The following WWOX variants were observed in gnomAD, a reference collection of about 807,000 sequenced individuals.
WWOX encodes the protein WW domain-containing oxidoreductase.
A neutral mutation model predicts 46.2 loss-of-function variants in WWOX; 69 were observed. The ratio of observed to expected loss-of-function variants is 1.49; its 90% CI spans 1.23 to 1.82. WWOX has a LOEUF of 1.82. Ranked by LOEUF, WWOX falls within the 40% of genes most tolerant of loss-of-function variation. WWOX has a pLI of 0.00. For synonymous variants in WWOX, 359 were observed against 202.6 expected, an observed-to-expected ratio of 1.77 and a Z score of -6.56; for missense variants, 919 against 542.6, an observed-to-expected ratio of 1.69 and a Z score of -6.89.
At chr16:78,842,115 A>G (rs1418413686) in intron 8 of WWOX, among the ~76,000 whole-genome samples, 1 of 152,148 alleles carries the variant, frequency 6.6e-6, no homozygotes, top group Non-Finnish European at 1.5e-5. Flanking sequence ...GATTAGAGAG[A>G]TCAGCAATGT....
chr16:78,511,933 C>T (rs1325264894), intron 8 of WWOX, among the ~76,000 whole-genome samples: 1 of 152,218 alleles, frequency 6.6e-6, no homozygotes, highest in African/African-American at 2.4e-5. Flanking sequence ...CTTCTGTTTA[C>T]ACATTCTTCT....
chr16:78,925,905 G>A (rs1388924034), intron 8 of WWOX, among the ~76,000 whole-genome samples: 3 of 152,176 alleles, frequency 2.0e-5, no homozygotes, highest in Admixed American at 6.5e-5. Context: ...CCTTCAGAAT[G>A]AAGGTAGAAT....
At chr16:78,298,904 G>C (rs1411777147) in intron 5 of WWOX, among the ~76,000 whole-genome samples, 2 of 152,056 alleles carry the variant, frequency 1.3e-5, no homozygotes, top group Non-Finnish European at 1.5e-5. Context: ...GTAACTGTTA[G>C]CTCTCTTATT....
intron 5 of WWOX, among the ~76,000 whole-genome samples, chr16:78,248,398 C>G (rs899664693): frequency 2.0e-5 from 3 of 152,314 alleles, no homozygotes; most frequent in African/African-American, 4.8e-5. Context: ...TCCGCATGAT[C>G]TAATCACCTT....
chr16:79,146,387 T>C (rs2050183188), intron 8 of WWOX, among the ~76,000 whole-genome samples: 1 of 152,168 alleles, frequency 6.6e-6, no homozygotes, highest in South Asian at 2.1e-4. Flanking sequence ...TAGAGACTTT[T>C]CCTCCAGAAC....
intron 8 of WWOX, among the ~76,000 whole-genome samples, chr16:79,009,156 G>C (rs2047253088): frequency 6.6e-6 from 1 of 152,208 alleles, no homozygotes; most frequent in Admixed American, 6.5e-5. Flanking sequence ...CTGCTAAAAA[G>C]GCCCATTCAC....
At chr16:78,925,914 A>G (rs1597159272) in intron 8 of WWOX, among the ~76,000 whole-genome samples, 1 of 152,164 alleles carries the variant, frequency 6.6e-6, no homozygotes, top group East Asian at 1.9e-4. Flanking sequence ...TGAAGGTAGA[A>G]TGTGGGACTG....
chr16:78,847,447 G>T (rs1286464350), intron 8 of WWOX, among the ~76,000 whole-genome samples: 1 of 151,992 alleles, frequency 6.6e-6, no homozygotes, highest in Non-Finnish European at 1.5e-5. Context: ...ATGTGTGTTT[G>T]TACCTAATTC....
In WWOX at chr16:78,321,370, ACGTATATATG is replaced by A. The variant is rs1296120635; in HGVS notation, c.517-65480_517-65471del. On this transcript the variant is annotated intron_variant, in intron 5 of 8. Transcript: ENST00000566780. Reference sequence around the variant, plus strand: ...TATACGTATATATGCGTATATATATACGTATATATGCGTATATATATACGTATATATACGT... The same window carrying A: ...TATACGTATATATGCGTATATATATACGTATATATATACGTATATATACGT... Among the ~76,000 whole-genome samples, 46 of 61,148 alleles carry A rather than the reference ACGTATATATG, an allele frequency of 7.5e-4. 1 individual carries two copies. The highest frequency in any genetic ancestry group is 2.8e-3 in the African/African-American group (36 of 12,986). The allele number at this position is 61,148 out of a possible 152,430, so 40.1% of individuals were successfully genotyped here.
At chr16:78,914,222 G>T (rs549068877) in intron 8 of WWOX, among the ~76,000 whole-genome samples, 1 of 151,914 alleles carries the variant, frequency 6.6e-6, no homozygotes, top group Admixed American at 6.6e-5. Context: ...GATATTTTCT[G>T]TCTATCCATC....
At chr16:78,425,365 C>T (rs916287056) in intron 7 of WWOX, among the ~76,000 whole-genome samples, 1 of 152,152 alleles carries the variant, frequency 6.6e-6, no homozygotes, top group East Asian at 1.9e-4. Flanking sequence ...ATTTGTAATT[C>T]AACAACTTCA....
At chr16:79,074,166 C>G (rs2048605643) in intron 8 of WWOX, among the ~76,000 whole-genome samples, 1 of 151,998 alleles carries the variant, frequency 6.6e-6, no homozygotes, top group African/African-American at 2.4e-5. Context: ...GCAACTCCGA[C>G]CCCAAGTTGG....
At chr16:78,533,035 T>A (rs1333912611) in intron 8 of WWOX, among the ~76,000 whole-genome samples, 1 of 152,010 alleles carries the variant, frequency 6.6e-6, no homozygotes, top group Non-Finnish European at 1.5e-5. Context: ...TCAGTAGAGG[T>A]CCTGATGACC....
intron 8 of WWOX, among the ~76,000 whole-genome samples, chr16:79,015,722 G>A (rs527959288): frequency 8.5e-5 from 13 of 152,108 alleles, no homozygotes; most frequent in Non-Finnish European, 1.2e-4. Context: ...GGGCTGTTTC[G>A]TCTCTGATCC....
intron 5 of WWOX, among the ~76,000 whole-genome samples, chr16:78,359,481 A>G (rs1424843185): frequency 6.6e-6 from 1 of 152,194 alleles, no homozygotes; most frequent in Non-Finnish European, 1.5e-5. Context: ...GATAGTTGGT[A>G]CTTAAGAAAT....
chr16:78,282,564 T>C lies in WWOX; in HGVS notation c.517-104296T>C, dbSNP rs150176889. Reference sequence around the variant, plus strand: ...GGTCAGGATGCTTTCAGAAAGGAAGTGAGAAGAGTGGCTTAGAACAGGGAA... The same window carrying C: ...GGTCAGGATGCTTTCAGAAAGGAAGCGAGAAGAGTGGCTTAGAACAGGGAA... On this transcript the variant is annotated intron_variant, in intron 5 of 8. Transcript: ENST00000566780. 2.8e-3 allele frequency among the ~76,000 whole-genome samples: 421 copies of C among 152,150 alleles called. 2 individuals carry two copies. The highest frequency in any genetic ancestry group is 4.8e-3 in the Non-Finnish European group (327 of 68,002).
chr16:78,123,492 C>G (rs1313948367), intron 4 of WWOX: 17 of 88,660 alleles, frequency 1.9e-4, no homozygotes. Flanking sequence ...AAGTCTTCCT[C>G]TGTTGCCCAG....
intron 5 of WWOX, among the ~76,000 whole-genome samples, chr16:78,176,130 T>C (rs2035337333): frequency 6.6e-6 from 1 of 152,186 alleles, no homozygotes; most frequent in South Asian, 2.1e-4. Flanking sequence ...CCTCTGAGCG[T>C]CTTCTATGCA....
chr16:78,956,681 A>T (rs1033576956), intron 8 of WWOX, among the ~76,000 whole-genome samples: 4 of 152,118 alleles, frequency 2.6e-5, no homozygotes, highest in Non-Finnish European at 4.4e-5. Flanking sequence ...TTCACTTTTT[A>T]ATCTCTTTGT....
Sources: allele counts gnomAD v4.1 joint callset (sites outside exome capture counted in the v4.1 genomes callset), GRCh38; gene constraint gnomAD v4.1.1; transcripts MANE v1.5; gene names NCBI Gene and HGNC (gene_info 2026-07-23, HGNC 2026-07-21).